PAPPA2: variants seen among roughly 807,000 people sequenced by gnomAD.
PAPPA2 encodes the protein pappalysin-2.
A neutral mutation model predicts 176.4 loss-of-function variants in PAPPA2; 86 were observed. The ratio of observed to expected loss-of-function variants is 0.49; its 90% CI spans 0.41 to 0.58. The LOEUF is 0.58. Ranked by LOEUF, PAPPA2 falls within the 20% of genes least tolerant of loss-of-function variation. The pLI, the probability that PAPPA2 is intolerant of heterozygous loss-of-function variation, is 0.00. For missense variants in PAPPA2, 2,073 were observed against 2,256.9 expected (o/e 0.92, Z 1.65); for synonymous variants, 809 against 852.2 (o/e 0.95, Z 0.88).
chr1:176,545,051 GTGAT>G (rs1650558074), intron 1 of PAPPA2, among the ~76,000 whole-genome samples: 1 of 152,092 alleles, frequency 6.6e-6, no homozygotes, highest in African/African-American at 2.4e-5. Flanking sequence ...TTATCTAGCC[GTGAT>G]TGATTAAATC....
intron 3 of PAPPA2, among the ~76,000 whole-genome samples, chr1:176,655,491 A>T (rs1657983655): frequency 6.6e-6 from 1 of 151,892 alleles, no homozygotes; most frequent in Admixed American, 6.6e-5. Context: ...TTTTCAGAAG[A>T]TATATAAATG....
intron 1 of PAPPA2, among the ~76,000 whole-genome samples, chr1:176,522,056 G>C (rs1649242152): frequency 6.6e-6 from 1 of 152,100 alleles, no homozygotes; most frequent in Admixed American, 6.5e-5. Context: ...GTTAGACCTA[G>C]ATCCAAACTC....
At chr1:176,664,534 T>G (rs1658521917) in intron 3 of PAPPA2, among the ~76,000 whole-genome samples, 1 of 152,204 alleles carries the variant, frequency 6.6e-6, no homozygotes, top group Admixed American at 6.5e-5. Flanking sequence ...TCTCAAAGCC[T>G]GTACTTTTAG....
intron 14 of PAPPA2, among the ~76,000 whole-genome samples, chr1:176,760,038 T>A (rs1410176396): frequency 6.6e-6 from 1 of 152,246 alleles, no homozygotes; most frequent in Non-Finnish European, 1.5e-5. Flanking sequence ...GGTATTTTTA[T>A]CCATGTTTTG....
At chr1:176,640,482 GA>G (rs1657010446) in intron 3 of PAPPA2, among the ~76,000 whole-genome samples, 1 of 151,430 alleles carries the variant, frequency 6.6e-6, no homozygotes, top group Admixed American at 6.6e-5. Flanking sequence ...TGAGAATGAT[GA>G]TTTCCAATTT....
intron 17 of PAPPA2, among the ~76,000 whole-genome samples, chr1:176,782,252 T>C (rs1023375423): frequency 6.6e-6 from 1 of 152,238 alleles, no homozygotes; most frequent in African/African-American, 2.4e-5. Flanking sequence ...ATACATTCAT[T>C]GAACCAATAT....
chr1:176,676,686 G>A (rs1659316071), intron 4 of PAPPA2, among the ~76,000 whole-genome samples: 1 of 151,822 alleles, frequency 6.6e-6, no homozygotes, highest in Admixed American at 6.6e-5. Context: ...TCTTGACTGT[G>A]GTGGTGATTA....
At chr1:176,610,909 T>G (rs939220769) in intron 3 of PAPPA2, among the ~76,000 whole-genome samples, 2 of 152,208 alleles carry the variant, frequency 1.3e-5, no homozygotes, top group African/African-American at 4.8e-5. Flanking sequence ...ACTAGGAGTA[T>G]GACTCTTGTC....
At chr1:176,685,905 T>C (rs115063580) in intron 4 of PAPPA2, among the ~76,000 whole-genome samples, 1 of 152,366 alleles carries the variant, frequency 6.6e-6, no homozygotes, top group African/African-American at 2.4e-5. Flanking sequence ...GAAAGAACTT[T>C]TCTAAACTAA....
intron 3 of PAPPA2, among the ~76,000 whole-genome samples, chr1:176,624,882 G>A (rs1655918034): frequency 6.6e-6 from 1 of 152,254 alleles, no homozygotes; most frequent in African/African-American, 2.4e-5. Context: ...CAGGTTGCAG[G>A]GCAGATCCCC....
chr1:176,537,008 G>A (rs1163428963), intron 1 of PAPPA2, among the ~76,000 whole-genome samples: 1 of 152,192 alleles, frequency 6.6e-6, no homozygotes, highest in Non-Finnish European at 1.5e-5. Flanking sequence ...GCATTTGGTA[G>A]AGTTCTGTGT....
chr1:176,761,982 G>A (rs1431615376), intron 14 of PAPPA2, among the ~76,000 whole-genome samples: 1 of 152,154 alleles, frequency 6.6e-6, no homozygotes, highest in African/African-American at 2.4e-5. Context: ...TACCGGGAGG[G>A]TGGGATAATG....
At chr1:176,706,883 C>A (rs1182824921) in intron 10 of PAPPA2, among the ~76,000 whole-genome samples, 1 of 152,068 alleles carries the variant, frequency 6.6e-6, no homozygotes, top group Non-Finnish European at 1.5e-5. Flanking sequence ...ACATTCTAAG[C>A]CAAAGTGAAT....
chr1:176,540,342 G>A (rs1573015088), intron 1 of PAPPA2, among the ~76,000 whole-genome samples: 1 of 152,202 alleles, frequency 6.6e-6, no homozygotes, highest in South Asian at 2.1e-4. Context: ...CCTTGTCTTT[G>A]TTTAAGACCC....
intron 3 of PAPPA2, among the ~76,000 whole-genome samples, chr1:176,614,524 G>A (rs1037271971): frequency 9.2e-5 from 14 of 152,178 alleles, no homozygotes; most frequent in African/African-American, 3.4e-4. Context: ...TTTCATGCAA[G>A]GGCCTTCTCA....
intron 1 of PAPPA2, among the ~76,000 whole-genome samples, chr1:176,554,279 G>A (rs1177210877): frequency 1.3e-5 from 2 of 152,224 alleles, no homozygotes; most frequent in African/African-American, 4.8e-5. Flanking sequence ...TGGACTGCAT[G>A]TTTTAGATGT....
At chr1:176,603,910 C>A (rs1033242281) in intron 3 of PAPPA2, among the ~76,000 whole-genome samples, 1 of 152,206 alleles carries the variant, frequency 6.6e-6, no homozygotes, top group African/African-American at 2.4e-5. Context: ...AATTCTCCAG[C>A]AGCTTACCAG....
At chr1:176,550,898 A>T (rs1573027216) in intron 1 of PAPPA2, among the ~76,000 whole-genome samples, 1 of 152,052 alleles carries the variant, frequency 6.6e-6, no homozygotes, top group African/African-American at 2.4e-5. Flanking sequence ...TTTTGCCGGG[A>T]TGTGGAACCT....
At chr1:176,606,115 G>A (rs1029645530) in intron 3 of PAPPA2, among the ~76,000 whole-genome samples, 2 of 151,442 alleles carry the variant, frequency 1.3e-5, no homozygotes, top group Non-Finnish European at 2.9e-5. Flanking sequence ...ATGAAACAAA[G>A]CATTTTGCAT....
Sources: gnomAD v4.1 joint callset for allele counts (sites outside exome capture counted in the v4.1 genomes callset) on GRCh38, gnomAD v4.1.1 for gene constraint, MANE v1.5 for transcripts, NCBI Gene and HGNC (gene_info 2026-07-23, HGNC 2026-07-21) for gene names.